Variants in XPO6 observed in about 807,000 individuals in gnomAD.
XPO6 encodes exportin 6.
XPO6 carries 3 observed loss-of-function variants against 130.0 expected under a neutral mutation model. The ratio of observed to expected loss-of-function variants is 0.02; its 90% confidence interval spans 0.01 to 0.06. The LOEUF is 0.06. XPO6 is among the 10% of genes least tolerant of loss of function. The pLI, the probability that XPO6 is intolerant of heterozygous loss-of-function variation, is 1.00. For synonymous variants in XPO6, 524 were observed against 548.9 expected (o/e 0.95, Z 0.63); for missense variants, 970 against 1,393.0 (o/e 0.70, Z 4.83).
Position 28,116,799 on chromosome 16 carries a change from GAT to G in XPO6, c.2004+517_2004+518del, listed in dbSNP as rs777965476. Among the ~76,000 whole-genome samples, 17 of 152,296 alleles carry G rather than the reference GAT, an allele frequency of 1.1e-4. No homozygotes were observed. In the South Asian group the frequency reaches 2.1e-3, roughly 19 times the overall value. ...GATCACTGATCACAAATCGCTGTAA[GAT>G]ATAGTAACAAAAAAGTCTGAAATAT... On this transcript the variant is annotated intron_variant, in intron 15 of 23. Coordinates refer to ENST00000304658, the MANE Select transcript of XPO6 (RefSeq NM_015171.4).
In XPO6 at chr16:28,155,880, C is replaced by T. The variant is rs1055773014; in HGVS notation, c.1097+194G>A. The stretch of plus-strand genomic sequence containing the variant: ...ACACAAGGCACAAGCATTTTTCAAA[C>T]TCAGTCACTTCCCTTAACCACCCAA... On this transcript the variant is annotated intron_variant, in intron 7 of 23. Transcript: ENST00000304658. The T allele has an allele frequency of 3.0e-6, 4 of 1,349,804 alleles. No homozygotes were observed. In the African/African-American group the frequency reaches 4.4e-5, roughly 15 times the overall value. The allele number at this position is 1,349,804 out of a possible 1,614,324, so 83.6% of individuals were successfully genotyped here.
intron 17 of XPO6, 25 bp downstream of exon 17, chr16:28,111,792 C>T (rs756959909): frequency 1.9e-5 from 31 of 1,607,114 alleles, no homozygotes; most frequent in Non-Finnish European, 8.5e-7. Flanking sequence ...CCTTCCCCAG[C>T]TGTCCTAGCC....
At chr16:28,181,964 T>A (rs2043623828) in intron 1 of XPO6, among the ~76,000 whole-genome samples, 1 of 152,090 alleles carries the variant, frequency 6.6e-6, no homozygotes, top group Non-Finnish European at 1.5e-5. Context: ...CTTACTCAAG[T>A]AGGAGTCGCA....
At chr16:28,118,068 G>T (rs2087116149) in intron 14 of XPO6, among the ~76,000 whole-genome samples, 2 of 152,218 alleles carry the variant, frequency 1.3e-5, no homozygotes, top group African/African-American at 4.8e-5. Flanking sequence ...AACAAGGAGA[G>T]ACAGTTGTCT....
At position 28,134,011 on chromosome 16, in the gene XPO6, CAT is replaced by C. The variant is rs1368957804; in HGVS notation, c.1444-80_1444-79del. 4 of 1,429,120 alleles carry C rather than the reference CAT, an allele frequency of 2.8e-6. No homozygotes were observed. The East Asian group carries it at 9.5e-5, about 34-fold the overall frequency. The allele number at this position is 1,429,120 out of a possible 1,614,324, so 88.5% of individuals were successfully genotyped here. A position where few individuals can be genotyped will look rare whatever the true frequency, so the allele number is the denominator to read the frequency against. On this transcript the variant is annotated intron_variant, in intron 10 of 23. Transcript: ENST00000304658. Reference sequence around the variant, plus strand: ...TGCCAACCTCAAGACCACTCTCAGACATAAAATTTTGAAGAAATGGAAAATGA... The same window carrying C: ...TGCCAACCTCAAGACCACTCTCAGACAAAATTTTGAAGAAATGGAAAATGA...
At chr16:28,181,865 G>C (rs1358950438) in intron 1 of XPO6, among the ~76,000 whole-genome samples, 1 of 152,120 alleles carries the variant, frequency 6.6e-6, no homozygotes, top group Non-Finnish European at 1.5e-5. Context: ...GCTCAGGTTG[G>C]AAATGAGAGG....
chr16:28,199,894 C>A (rs2043929145), intron 1 of XPO6, among the ~76,000 whole-genome samples: 1 of 151,824 alleles, frequency 6.6e-6, no homozygotes, highest in Non-Finnish European at 1.5e-5. Flanking sequence ...CGGTGGCTCA[C>A]TCCTGTAATC....
intron 5 of XPO6, among the ~76,000 whole-genome samples, chr16:28,168,780 TG>T (rs149687102): frequency 0.05 from 7,435 of 148,232 alleles, 474 homozygotes; most frequent in East Asian, 0.16. Context: ...TTTTTTGTTT[TG>T]TTTTTTTTTT....
intron 15 of XPO6, chr16:28,117,094 G>T: frequency 3.9e-6 from 2 of 518,010 alleles, no homozygotes; most frequent in Non-Finnish European, 3.4e-6. Flanking sequence ...TTTTCACAGT[G>T]AGCATGTATT....
intron 6 of XPO6, among the ~76,000 whole-genome samples, chr16:28,164,520 TCCCTAAGTGCC>T (rs2141841697): frequency 6.6e-6 from 1 of 152,220 alleles, no homozygotes; most frequent in South Asian, 2.1e-4. Context: ...CTTACATAAC[TCCCTAAGTGCC>T]CCCACAGTCT....
At chr16:28,163,546 G>A (rs1443224969) in intron 6 of XPO6, among the ~76,000 whole-genome samples, 1 of 152,214 alleles carries the variant, frequency 6.6e-6, no homozygotes, top group Non-Finnish European at 1.5e-5. Flanking sequence ...GAGAGGAGAT[G>A]AAGGAAGATG....
intron 2 of XPO6, among the ~76,000 whole-genome samples, chr16:28,178,273 A>G (rs139031121): frequency 2.0e-5 from 3 of 152,266 alleles, no homozygotes; most frequent in Non-Finnish European, 2.9e-5. Context: ...GTCTCATTAA[A>G]AAATCCATGG....
At chr16:28,160,534 A>G (rs1452792391) in intron 6 of XPO6, among the ~76,000 whole-genome samples, 1 of 151,032 alleles carries the variant, frequency 6.6e-6, no homozygotes, top group Non-Finnish European at 1.5e-5. Flanking sequence ...AGTAAAACTA[A>G]AATTTAAATG....
At chr16:28,178,764 C>CAAAAA (rs139329056) in intron 2 of XPO6, among the ~76,000 whole-genome samples, 4 of 138,432 alleles carry the variant, frequency 2.9e-5, no homozygotes, top group East Asian at 2.1e-4. Context: ...CAAAACAAAA[C>CAAAAA]AAAAAAAAAA....
At chr16:28,153,898 C>T (rs1475103734) in intron 7 of XPO6, 3 of 985,302 alleles carry the variant, frequency 3.0e-6, no homozygotes, top group South Asian at 4.7e-5. Flanking sequence ...TCCCATGTTG[C>T]TCCTGGGACC....
At chr16:28,168,828 T>G (rs1301376036) in intron 5 of XPO6, among the ~76,000 whole-genome samples, 1 of 151,684 alleles carries the variant, frequency 6.6e-6, no homozygotes, top group Non-Finnish European at 1.5e-5. Flanking sequence ...TTGCCTAGTC[T>G]GGTCTCAAAC....
chr16:28,153,031 TG>T, intron 7 of XPO6: 1 of 1,116,444 alleles, frequency 9.0e-7, no homozygotes, highest in Non-Finnish European at 1.1e-6. Flanking sequence ...TATAATCTAG[TG>T]CGCTCACATT....
chr16:28,170,127 G>A (rs2043425512), intron 4 of XPO6, among the ~76,000 whole-genome samples: 1 of 152,044 alleles, frequency 6.6e-6, no homozygotes, highest in African/African-American at 2.4e-5. Context: ...GAGGTCGGGA[G>A]TTAGAGACCA....
intron 6 of XPO6, among the ~76,000 whole-genome samples, chr16:28,159,364 A>G (rs2043234883): frequency 6.6e-6 from 1 of 152,202 alleles, no homozygotes; most frequent in African/African-American, 2.4e-5. Context: ...GATCAATACT[A>G]AGAATGTTTA....
Sources: gnomAD v4.1 joint callset for allele counts (sites outside exome capture counted in the v4.1 genomes callset) on GRCh38, gnomAD v4.1.1 for gene constraint, MANE v1.5 for transcripts, NCBI Gene and HGNC (gene_info 2026-07-23, HGNC 2026-07-21) for gene names.